Variants in PRH1 observed in about 807,000 individuals in gnomAD.
The protein encoded by PRH1 is proline rich protein HaeIII subfamily 1, also known as salivary acidic proline-rich phosphoprotein 1/2.
Under a neutral mutation model 7.9 loss-of-function variants are expected in PRH1, and 7 were observed. The ratio of observed to expected loss-of-function variants is 0.89; its 90% CI spans 0.50 to 1.67. The LOEUF is 1.67. Ranked by LOEUF, PRH1 falls within the 40% of genes most tolerant of loss-of-function variation. The pLI is 0.00. For synonymous variants in PRH1, 45 were observed against 80.8 expected (o/e 0.56, Z 2.38); for missense variants, 109 against 223.6 (o/e 0.49, Z 3.27).
chr12:11,032,946 A>G (rs1942290737), intron 1 of PRH1, among the ~76,000 whole-genome samples: 1 of 152,256 alleles, frequency 6.6e-6, no homozygotes, highest in South Asian at 2.1e-4. Flanking sequence ...AGTATGGCCT[A>G]TCTAGTACAC....
chr12:10,963,339 A>T (rs1464232549), intron 2 of PRH1, among the ~76,000 whole-genome samples: 1 of 152,202 alleles, frequency 6.6e-6, no homozygotes, highest in Non-Finnish European at 1.5e-5. Flanking sequence ...TATTTAAGTC[A>T]TTTCCTATCA....
chr12:10,920,462 T>C (rs1049894293), intron 2 of PRH1, among the ~76,000 whole-genome samples: 5 of 152,278 alleles, frequency 3.3e-5, no homozygotes, highest in Middle Eastern at 3.4e-3. Flanking sequence ...TCACAATATA[T>C]AACATCATGA....
At chr12:11,030,934 C>A in intron 1 of PRH1, 1 of 1,614,248 alleles carries the variant, frequency 6.2e-7, no homozygotes, top group Non-Finnish European at 8.5e-7. Context: ...GTAAAGGCCC[C>A]AACAGCATCA....
At chr12:11,116,641 A>C (rs1447314923), downstream of PRH1, among the ~76,000 whole-genome samples, 1 of 152,110 alleles carries the variant, frequency 6.6e-6, no homozygotes, top group Non-Finnish European at 1.5e-5. Context: ...CAACAAGCAC[A>C]TATCTCTGAT....
At chr12:10,986,080 C>A (rs1939605101) in intron 1 of PRH1, 1 of 1,614,072 alleles carries the variant, frequency 6.2e-7, no homozygotes, top group Non-Finnish European at 8.5e-7. Flanking sequence ...CTAACCATGA[C>A]AACCGGGTCA....
chr12:10,998,846 C>A (rs1158677233), intron 1 of PRH1, among the ~76,000 whole-genome samples: 1 of 152,128 alleles, frequency 6.6e-6, no homozygotes, highest in Admixed American at 6.6e-5. Flanking sequence ...ATGTAATTTG[C>A]TTTGATGAAC....
intron 1 of PRH1, among the ~76,000 whole-genome samples, chr12:11,036,042 T>C (rs2122616): frequency 0.44 from 66,373 of 151,634 alleles, 15,306 homozygotes; most frequent in Non-Finnish European, 0.51. Flanking sequence ...TACAGGAGCC[T>C]GCCACAACGC....
chr12:10,986,203 T>C, intron 1 of PRH1: 1 of 1,614,126 alleles, frequency 6.2e-7, no homozygotes, highest in Non-Finnish European at 8.5e-7. Flanking sequence ...ACCTTGGTGC[T>C]GAGATCTTGC....
chr12:11,171,300 C>A, intron 1 of PRH1: 1 of 1,138,728 alleles, frequency 8.8e-7, no homozygotes, highest in South Asian at 4.5e-5. Flanking sequence ...CTAGGAGGTC[C>A]GCGGGCCCTG....
intron 1 of PRH1, among the ~76,000 whole-genome samples, chr12:11,082,773 G>T (rs574673643): frequency 5.9e-4 from 59 of 99,350 alleles, no homozygotes; most frequent in East Asian, 7.2e-4. Context: ...GAATACTCTT[G>T]TTCTGGCTGT....
At chr12:11,139,879 C>T (rs1946656672) in intron 1 of PRH1, among the ~76,000 whole-genome samples, 1 of 151,996 alleles carries the variant, frequency 6.6e-6, no homozygotes, top group Admixed American at 6.6e-5. Flanking sequence ...TATGAAAATT[C>T]CCATTGTTTC....
At chr12:11,062,257 A>G in intron 1 of PRH1, 5 of 1,612,736 alleles carry the variant, frequency 3.1e-6, no homozygotes, top group Non-Finnish European at 2.5e-6. Context: ...TGTAACCACT[A>G]TTAGAATGGA....
intron 1 of PRH1, among the ~76,000 whole-genome samples, chr12:11,070,230 G>C (rs1565619409): frequency 6.6e-6 from 1 of 152,182 alleles, no homozygotes; most frequent in African/African-American, 2.4e-5. Context: ...GGGTGAGTAG[G>C]CTAAGGCATG....
chr12:11,034,042 C>T (rs35015907), intron 1 of PRH1, among the ~76,000 whole-genome samples: 36,272 of 104,438 alleles, frequency 0.35, 6,799 homozygotes, highest in Non-Finnish European at 0.43. Context: ...CAATTTTCTT[C>T]ATACTTTACC....
chr12:10,997,058 G>A, intron 1 of PRH1: 1 of 1,614,042 alleles, frequency 6.2e-7, no homozygotes, highest in South Asian at 1.1e-5. Flanking sequence ...TGAGTGGAAT[G>A]ATGGATATAT....
At chr12:10,939,669 A>C (rs1950363928) in intron 2 of PRH1, among the ~76,000 whole-genome samples, 1 of 151,206 alleles carries the variant, frequency 6.6e-6, no homozygotes, top group African/African-American at 2.4e-5. Flanking sequence ...ATTTTTACAT[A>C]CTTCCGTGTT....
downstream of PRH1, among the ~76,000 whole-genome samples, chr12:11,117,359 G>C (rs1003886585): frequency 1.3e-5 from 2 of 151,980 alleles, no homozygotes; most frequent in African/African-American, 4.8e-5. Flanking sequence ...CTCAGCCAAA[G>C]AGATGAAATA....
intron 1 of PRH1, among the ~76,000 whole-genome samples, chr12:11,064,319 T>A (rs1167194169): frequency 6.6e-6 from 1 of 152,218 alleles, no homozygotes; most frequent in East Asian, 1.9e-4. Flanking sequence ...ATTGTGTTTC[T>A]GAAATTTAGT....
intron 2 of PRH1, among the ~76,000 whole-genome samples, chr12:10,897,557 G>A (rs1397739574): frequency 6.6e-6 from 1 of 152,202 alleles, no homozygotes; most frequent in African/African-American, 2.4e-5. Context: ...CTGGGTTTCT[G>A]TAAGAGGTTT....
Sources: allele counts gnomAD v4.1 joint callset (sites outside exome capture counted in the v4.1 genomes callset), GRCh38; gene constraint gnomAD v4.1.1; transcripts MANE v1.5; gene names NCBI Gene and HGNC (gene_info 2026-07-23, HGNC 2026-07-21).